HMGCLL1: variants seen among roughly 807,000 people sequenced by gnomAD.
HMGCLL1 encodes the protein 3-hydroxymethyl-3-methylglutaryl-CoA lyase, cytoplasmic.
In HMGCLL1, 36 loss-of-function variants were observed where a neutral mutation model predicts 39.1. The observed-to-expected ratio is 0.92, with a 90% CI of 0.71 to 1.22. HMGCLL1 has a LOEUF of 1.22. HMGCLL1 is among the 50% of genes most tolerant of loss of function. The probability of loss-of-function intolerance (pLI) is 0.00; values close to 1 mark genes in which losing one functional copy is unlikely to be tolerated. For synonymous variants in HMGCLL1, 149 were observed against 144.0 expected, an observed-to-expected ratio of 1.03 and a Z score of -0.25; for missense variants, 451 against 416.5, an observed-to-expected ratio of 1.08 and a Z score of -0.72.
At chr6:55,651,851 C>G in the HMGCLL1 span, among the ~76,000 whole-genome samples, 1 of 152,042 alleles carries the variant, frequency 6.6e-6, no homozygotes, top group Non-Finnish European at 1.5e-5. Flanking sequence ...TAGCAGAGCT[C>G]TATTCTCTGT....
chr6:55,662,386 A>G, the HMGCLL1 span, among the ~76,000 whole-genome samples: 1,943 of 151,818 alleles, frequency 0.013, 47 homozygotes, highest in African/African-American at 0.044. Context: ...AAGAGTTTTT[A>G]ACAAGAGGGC....
At chr6:55,595,316 C>T in the HMGCLL1 span, among the ~76,000 whole-genome samples, 12 of 152,056 alleles carry the variant, frequency 7.9e-5, no homozygotes, top group African/African-American at 1.2e-4. Flanking sequence ...TCTAAATAAA[C>T]GCTGTCAAAT....
At chr6:55,443,178 C>A (rs1018115711) in intron 7 of HMGCLL1, among the ~76,000 whole-genome samples, 2 of 152,108 alleles carry the variant, frequency 1.3e-5, no homozygotes, top group Non-Finnish European at 2.9e-5. Flanking sequence ...CTTTATCAAT[C>A]CGGGGTATGG....
chr6:55,504,057 T>C (rs1277082291), intron 5 of HMGCLL1, among the ~76,000 whole-genome samples: 3 of 151,808 alleles, frequency 2.0e-5, no homozygotes, highest in Non-Finnish European at 4.4e-5. Context: ...CTTGCTATTT[T>C]CTACTGAATA....
At chr6:55,444,190 A>T (rs532186244) in intron 7 of HMGCLL1, among the ~76,000 whole-genome samples, 2 of 152,114 alleles carry the variant, frequency 1.3e-5, no homozygotes, top group Non-Finnish European at 2.9e-5. Flanking sequence ...AATGAGTAGG[A>T]ATATACAGTT....
At chr6:55,660,353 T>C in the HMGCLL1 span, among the ~76,000 whole-genome samples, 2 of 151,806 alleles carry the variant, frequency 1.3e-5, no homozygotes, top group Non-Finnish European at 2.9e-5. Flanking sequence ...GTTTTTTCTG[T>C]TCTTCTCCCT....
chr6:55,641,741 T>C, the HMGCLL1 span, among the ~76,000 whole-genome samples: 1 of 151,926 alleles, frequency 6.6e-6, no homozygotes, highest in African/African-American at 2.4e-5. Flanking sequence ...TATCGTTTTG[T>C]AAAAGGGAAG....
chr6:55,528,406 A>T (rs1226424275), intron 3 of HMGCLL1, among the ~76,000 whole-genome samples: 1 of 152,066 alleles, frequency 6.6e-6, no homozygotes, highest in Admixed American at 6.6e-5. Context: ...AGAAAAAATG[A>T]GACTAGAGCT....
chr6:55,590,925 A>G, the HMGCLL1 span, among the ~76,000 whole-genome samples: 1 of 151,974 alleles, frequency 6.6e-6, no homozygotes, highest in Non-Finnish European at 1.5e-5. Flanking sequence ...TATGAATTTA[A>G]CATATGAAGA....
chr6:55,592,402 T>C, the HMGCLL1 span, among the ~76,000 whole-genome samples: 2 of 152,100 alleles, frequency 1.3e-5, no homozygotes, highest in Non-Finnish European at 2.9e-5. Flanking sequence ...TAAGTTAGAA[T>C]TAGTCAAGTT....
the HMGCLL1 span, among the ~76,000 whole-genome samples, chr6:55,602,239 G>A: frequency 6.6e-6 from 1 of 152,058 alleles, no homozygotes; most frequent in African/African-American, 2.4e-5. Flanking sequence ...ATACCTCATA[G>A]ATCTTGTAGC....
At chr6:55,635,281 G>A in the HMGCLL1 span, among the ~76,000 whole-genome samples, 1 of 152,024 alleles carries the variant, frequency 6.6e-6, no homozygotes, top group African/African-American at 2.4e-5. Flanking sequence ...CTGAAACTTA[G>A]CTTTGAATTA....
At chr6:55,499,151 A>G in intron 6 of HMGCLL1, 85 bp downstream of exon 6, 3 of 1,066,236 alleles carry the variant, frequency 2.8e-6, no homozygotes, top group Non-Finnish European at 4.2e-6. Context: ...TGCTATGCAG[A>G]TTCAATAAAT....
chr6:55,655,312 C>T, the HMGCLL1 span, among the ~76,000 whole-genome samples: 2 of 151,890 alleles, frequency 1.3e-5, no homozygotes, highest in African/African-American at 2.4e-5. Context: ...TACCTTAATA[C>T]GTATGTATTA....
chr6:55,587,571 A>G, the HMGCLL1 span, among the ~76,000 whole-genome samples: 1 of 152,162 alleles, frequency 6.6e-6, no homozygotes, highest in East Asian at 1.9e-4. Flanking sequence ...CTTAAATGTA[A>G]ATGGACTAAA....
chr6:55,530,553 AAT>A (rs1248993884), intron 3 of HMGCLL1, among the ~76,000 whole-genome samples: 1 of 152,076 alleles, frequency 6.6e-6, no homozygotes, highest in Admixed American at 6.5e-5. Context: ...TATTTTATGA[AAT>A]ATGTTTTTGA....
At chr6:55,537,292 G>T (rs547615379) in intron 3 of HMGCLL1, among the ~76,000 whole-genome samples, 7 of 151,962 alleles carry the variant, frequency 4.6e-5, no homozygotes, top group African/African-American at 1.7e-4. Context: ...TTCCTGTCTT[G>T]GATTCAGGCA....
the HMGCLL1 span, among the ~76,000 whole-genome samples, chr6:55,656,152 A>T: frequency 1.3e-5 from 2 of 151,980 alleles, no homozygotes. Context: ...ATATTCAAAA[A>T]GTTTTATTTC....
At chr6:55,454,545 A>C (rs1764241961) in intron 7 of HMGCLL1, among the ~76,000 whole-genome samples, 2 of 152,236 alleles carry the variant, frequency 1.3e-5, no homozygotes, top group African/African-American at 4.8e-5. Flanking sequence ...ACTGGTGGGC[A>C]AGAGGGAACT....
Sources: gnomAD v4.1 joint callset for allele counts (sites outside exome capture counted in the v4.1 genomes callset) on GRCh38, gnomAD v4.1.1 for gene constraint, MANE v1.5 for transcripts, NCBI Gene and HGNC (gene_info 2026-07-23, HGNC 2026-07-21) for gene names.